Variants in CAMTA1 observed in about 807,000 individuals in gnomAD.
CAMTA1 encodes the protein calmodulin-binding transcription activator 1.
A neutral mutation model predicts 170.9 loss-of-function variants in CAMTA1; 27 were observed. That is an observed-to-expected ratio of 0.16 (90% CI 0.12 to 0.22). The LOEUF is 0.22. Ranked by LOEUF, CAMTA1 falls within the 10% of genes least tolerant of loss-of-function variation. CAMTA1 has a pLI of 1.00. For missense variants in CAMTA1, 1,619 were observed against 2,217.2 expected (o/e 0.73, Z 5.42); for synonymous variants, 833 against 891.5 (o/e 0.93, Z 1.17).
chr1:7,099,498 C>T (rs1382146333), intron 4 of CAMTA1, among the ~76,000 whole-genome samples: 2 of 152,206 alleles, frequency 1.3e-5, no homozygotes, highest in Non-Finnish European at 2.9e-5. Flanking sequence ...TCTTTTGGTT[C>T]TGATATTTAC....
intron 5 of CAMTA1, among the ~76,000 whole-genome samples, chr1:7,358,546 C>T (rs1226970761): frequency 2.0e-5 from 3 of 152,114 alleles, no homozygotes; most frequent in Non-Finnish European, 2.9e-5. Flanking sequence ...GCATGCCCCG[C>T]GCCACCCCTG....
Position 7,509,934 on chromosome 1 carries a change from G to A in CAMTA1, c.510+42033G>A, listed in dbSNP as rs930189633. Among the ~76,000 whole-genome samples, 6 of 151,624 alleles carry A rather than the reference G, an allele frequency of 4.0e-5. No individual in the cohort carries two copies. In the South Asian group the frequency reaches 1.0e-3, roughly 26 times the overall value. ...CTTTTTAGCAGCCCAGCGACCAAGG[G>A]GGAAAAGCTACCCTGACTCTCAGTG... On this transcript the variant is annotated intron_variant, in intron 6 of 22. Transcript: ENST00000303635.
rs397979031 is a variant in CAMTA1 at position 6,809,029 on chromosome 1, CTTTTTTT to C, written c.46-11144_46-11138del. Reference sequence around the variant, plus strand: ...CACTGTTTTTCTTCTTCTTCTTTTTCTTTTTTTTTTTTTTGAGATGGAGTTTCACTCT... The same window carrying C: ...CACTGTTTTTCTTCTTCTTCTTTTTCTTTTTTTGAGATGGAGTTTCACTCT... On this transcript the variant is annotated intron_variant, in intron 1 of 22. Coordinates refer to ENST00000303635, the MANE Select transcript of CAMTA1 (RefSeq NM_015215.4). 2.9e-3 allele frequency among the ~76,000 whole-genome samples: 408 copies of C among 141,340 alleles called. 1 individual carries two copies. The highest frequency in any genetic ancestry group is 9.8e-3 in the African/African-American group (382 of 38,790). 92.7% of individuals were successfully genotyped at this position (141,340 alleles called of 152,430 possible).
chr1:6,924,927 G>A lies in CAMTA1; in HGVS notation c.234+99717G>A, dbSNP rs190453032. On this transcript the variant is annotated intron_variant, in intron 3 of 22. Coordinates refer to ENST00000303635, the MANE Select transcript of CAMTA1 (RefSeq NM_015215.4). Reference sequence around the variant, plus strand: ...GATTTCTCTGGGAGTTTTTTCATGTGACATTGGTGTAGCTTTCTTGGATAT... The same window carrying A: ...GATTTCTCTGGGAGTTTTTTCATGTAACATTGGTGTAGCTTTCTTGGATAT... 6.6e-5 allele frequency among the ~76,000 whole-genome samples: 10 copies of A among 152,338 alleles called. No individual in the cohort carries two copies. In the East Asian group the frequency reaches 1.9e-3, roughly 29 times the overall value.
rs1699644652 is a variant in CAMTA1 at position 7,010,616 on chromosome 1, G to A, written c.235-80688G>A. Among the ~76,000 whole-genome samples the A allele has an allele frequency of 6.6e-6, 1 of 152,168 alleles. No homozygotes were observed. The highest frequency in any genetic ancestry group is 6.5e-5 in the Admixed American group (1 of 15,280). On this transcript the variant is annotated intron_variant, in intron 3 of 22. Coordinates refer to ENST00000303635, the MANE Select transcript of CAMTA1 (RefSeq NM_015215.4). The surrounding 1 kb of genome is among the most constrained non-coding windows in gnomAD (Gnocchi z 4.4). ...CCATAACATAGAGAAGATACTGAGA[G>A]TCCATGAGACACCACACAGAAGGCT...
chr1:6,977,578 G>A (rs1009197266), intron 3 of CAMTA1, among the ~76,000 whole-genome samples: 2 of 152,278 alleles, frequency 1.3e-5, no homozygotes, highest in Middle Eastern at 3.4e-3. Flanking sequence ...CTGACCTTGG[G>A]ATCCACTCGC....
chr1:7,297,906 C>A (rs1411898970), intron 5 of CAMTA1, among the ~76,000 whole-genome samples: 1 of 152,196 alleles, frequency 6.6e-6, no homozygotes, highest in Non-Finnish European at 1.5e-5. Flanking sequence ...CAAATCCAAT[C>A]CTAGTCACTT....
At chr1:7,603,097 T>G (rs1313588486) in intron 6 of CAMTA1, among the ~76,000 whole-genome samples, 3 of 152,222 alleles carry the variant, frequency 2.0e-5, no homozygotes, top group African/African-American at 7.2e-5. Context: ...AGTGCTTTAC[T>G]TCCAACTATG....
intron 5 of CAMTA1, among the ~76,000 whole-genome samples, chr1:7,427,619 T>C (rs568019041): frequency 1.3e-5 from 2 of 152,360 alleles, no homozygotes; most frequent in Admixed American, 1.3e-4. Context: ...CGTATTTAAT[T>C]TTCAATCTCT....
chr1:7,318,781 T>C lies in CAMTA1; in HGVS notation c.438+69155T>C, dbSNP rs12563063. Among the ~76,000 whole-genome samples the C allele has an allele frequency of 4.1e-4, 62 of 152,336 alleles. 1 individual carries two copies. The East Asian group carries it at 0.011, about 28-fold the overall frequency. On this transcript the variant is annotated intron_variant, in intron 5 of 22. Coordinates refer to ENST00000303635, the MANE Select transcript of CAMTA1 (RefSeq NM_015215.4). Reference sequence around the variant, plus strand: ...TTACCAATGAAAGCCAGCTCCCTGGTGCCACGCGTTTTACTCATTGCTGGA... The same window carrying C: ...TTACCAATGAAAGCCAGCTCCCTGGCGCCACGCGTTTTACTCATTGCTGGA...
intron 4 of CAMTA1, among the ~76,000 whole-genome samples, chr1:7,131,198 C>T (rs950510837): frequency 6.6e-6 from 1 of 152,132 alleles, no homozygotes; most frequent in Admixed American, 6.6e-5. Context: ...GTGATCCACC[C>T]ACCTCGGCCT....
chr1:6,888,133 C>T, intron 3 of CAMTA1: 1 of 980,182 alleles, frequency 1.0e-6, no homozygotes, highest in Non-Finnish European at 1.2e-6. Flanking sequence ...TTGTCTTGTC[C>T]CCTTGTATCT....
chr1:6,974,861 C>T (rs1022967303), intron 3 of CAMTA1, among the ~76,000 whole-genome samples: 12 of 152,216 alleles, frequency 7.9e-5, no homozygotes, highest in African/African-American at 2.9e-4. Context: ...CTTTTGCCAT[C>T]TAATAATAAA....
chr1:7,588,996 AATTTTGCGC>A lies in CAMTA1; in HGVS notation c.511-51402_511-51394del, dbSNP rs1187401132. The stretch of plus-strand genomic sequence containing the variant: ...CAATTTACCTTCAATCGCTTCTCAG[AATTTTGCGC>A]AGCCAGAAAACCGACTCCCTTTCCA... On this transcript the variant is annotated intron_variant, in intron 6 of 22. Coordinates refer to ENST00000303635, the MANE Select transcript of CAMTA1 (RefSeq NM_015215.4). This position sits in a 1 kb window ranked among gnomAD's most constrained non-coding sequence, Gnocchi z 5.8. Among the ~76,000 whole-genome samples, 1 of 152,176 alleles carries A rather than the reference AATTTTGCGC, an allele frequency of 6.6e-6. No homozygotes were observed. The highest frequency in any genetic ancestry group is 6.5e-5 in the Admixed American group (1 of 15,282).
intron 7 of CAMTA1, among the ~76,000 whole-genome samples, chr1:7,649,066 G>A (rs1443375870): frequency 6.6e-6 from 1 of 152,250 alleles, no homozygotes; most frequent in Non-Finnish European, 1.5e-5. Context: ...TAAGTACTGG[G>A]TGTACCATTT....
At chr1:6,886,666 T>A (rs909232891) in intron 3 of CAMTA1, among the ~76,000 whole-genome samples, 9 of 152,216 alleles carry the variant, frequency 5.9e-5, no homozygotes, top group Admixed American at 5.9e-4. Flanking sequence ...AGTCCCAAAT[T>A]TGGGAAGCAA....
At chr1:7,192,227 G>A (rs1414760830) in intron 4 of CAMTA1, among the ~76,000 whole-genome samples, 10 of 152,244 alleles carry the variant, frequency 6.6e-5, no homozygotes, top group Admixed American at 6.5e-4. Flanking sequence ...CGTGGTAGCA[G>A]CCAGCCTCTT....
At chr1:7,107,052 C>T (rs1052892783) in intron 4 of CAMTA1, among the ~76,000 whole-genome samples, 13 of 151,840 alleles carry the variant, frequency 8.6e-5, no homozygotes, top group African/African-American at 2.4e-4. Flanking sequence ...GAGGGGGCCT[C>T]GAAATGCAAT....
At chr1:6,837,421 G>C (rs1334745736) in intron 3 of CAMTA1, among the ~76,000 whole-genome samples, 7 of 152,154 alleles carry the variant, frequency 4.6e-5, no homozygotes, top group African/African-American at 1.7e-4. Context: ...AGGTGGTGCT[G>C]CAAAGGGACA....
Sources: gnomAD v4.1 joint callset for allele counts (sites outside exome capture counted in the v4.1 genomes callset) on GRCh38, gnomAD v4.1.1 for gene constraint, Gnocchi (gnomAD v3.1) non-coding constraint, MANE v1.5 for transcripts, NCBI Gene and HGNC (gene_info 2026-07-23, HGNC 2026-07-21) for gene names.